Variants in EYA1 observed in about 807,000 individuals in gnomAD.
The protein encoded by EYA1 is EYA transcriptional coactivator and phosphatase 1.
EYA1 carries 16 observed loss-of-function variants against 82.0 expected under a neutral mutation model. That is an observed-to-expected ratio of 0.20 (90% CI 0.13 to 0.30). EYA1 has a LOEUF of 0.30. EYA1 is among the 10% of genes least tolerant of loss of function. The pLI is 1.00. For missense variants in EYA1, 633 were observed against 730.7 expected, an observed-to-expected ratio of 0.87 and a Z score of 1.54; for synonymous variants, 261 against 264.4, an observed-to-expected ratio of 0.99 and a Z score of 0.12.
chr8:71,201,721 T>G (rs1401885665), intron 17 of EYA1, among the ~76,000 whole-genome samples: 2 of 152,190 alleles, frequency 1.3e-5, no homozygotes, highest in African/African-American at 4.8e-5. Flanking sequence ...CTCATTTTAC[T>G]ACTTAATCTC....
upstream of EYA1, among the ~76,000 whole-genome samples, chr8:71,366,148 A>T (rs974209234): frequency 6.6e-6 from 1 of 151,384 alleles, no homozygotes; most frequent in African/African-American, 2.4e-5. Context: ...TGCCTATCAG[A>T]TTTTTTTTTA....
At chr8:71,282,582 C>A (rs1356428002) in intron 9 of EYA1, among the ~76,000 whole-genome samples, 4 of 152,184 alleles carry the variant, frequency 2.6e-5, no homozygotes, top group African/African-American at 9.6e-5. Flanking sequence ...CACTTGTGTT[C>A]CTTGGCCTCT....
chr8:71,281,660 G>T (rs1817829280), intron 9 of EYA1, among the ~76,000 whole-genome samples: 1 of 152,206 alleles, frequency 6.6e-6, no homozygotes, highest in Non-Finnish European at 1.5e-5. Context: ...AGTACCTGTG[G>T]CTAGGGCCAG....
At chr8:71,491,795 C>T (rs188383397) in intron 2 of EYA1, among the ~76,000 whole-genome samples, 1 of 152,264 alleles carries the variant, frequency 6.6e-6, no homozygotes, top group East Asian at 1.9e-4. Context: ...TTCAGTTATG[C>T]GGTGGTTACT....
intron 17 of EYA1, chr8:71,204,178 C>G (rs1807437996): frequency 6.6e-6 from 1 of 152,124 alleles, no homozygotes; most frequent in Non-Finnish European, 1.5e-5. Flanking sequence ...GTCTCCAGAA[C>G]CAAAATTTTG....
At chr8:71,321,667 C>T in intron 6 of EYA1, 67 bp downstream of exon 6, 1 of 1,567,000 alleles carries the variant, frequency 6.4e-7, no homozygotes. Flanking sequence ...CTTTAAGTAC[C>T]ACTCAAACAT....
At position 71,245,523 on chromosome 8, in the gene EYA1, G is replaced by C. The variant is rs547551258; in HGVS notation, c.1051-831C>G. 3.6e-4 allele frequency among the ~76,000 whole-genome samples: 52 copies of C among 146,434 alleles called. 1 individual carries two copies. The highest frequency in any genetic ancestry group is 1.2e-3 in the African/African-American group (49 of 39,244). ...TTACAGGCATGAGCCACTGCGCCCG[G>C]CCTAAGTGATGATTTTTTTTTTTTT... On this transcript the variant is annotated intron_variant, in intron 11 of 17. Transcript: ENST00000340726.
At chr8:71,339,941 A>G (rs565555306) in intron 3 of EYA1, among the ~76,000 whole-genome samples, 2 of 152,090 alleles carry the variant, frequency 1.3e-5, no homozygotes, top group East Asian at 1.9e-4. Context: ...TTCTCTCACA[A>G]TCATTTCTGT....
intron 2 of EYA1, among the ~76,000 whole-genome samples, chr8:71,511,976 T>G (rs938929762): frequency 6.6e-6 from 1 of 152,118 alleles, no homozygotes; most frequent in African/African-American, 2.4e-5. Context: ...GTGCCCTCAA[T>G]AGTAAAAAGC....
chr8:71,325,286 C>T (rs961541037), intron 4 of EYA1, among the ~76,000 whole-genome samples: 5 of 152,148 alleles, frequency 3.3e-5, no homozygotes, highest in Non-Finnish European at 5.9e-5. Context: ...GAGACTAAGT[C>T]ATCATTTTCC....
rs190799650 is a variant in EYA1, at chr8:71,536,553, G to A, written c.-72-705C>T. Among the ~76,000 whole-genome samples the A allele has an allele frequency of 4.7e-3, 718 of 152,214 alleles. 5 individuals carry two copies. The highest frequency in any genetic ancestry group is 7.2e-3 in the Admixed American group (110 of 15,278). On this transcript the variant is annotated intron_variant, in intron 1 of 18. Coordinates refer to the EYA1 transcript ENST00000643681. ...TTAAATGCCATTCTAATTTCCTAAT[G>A]TTCAGAATTAATTTTTGTGCTCATG...
At chr8:71,454,760 A>T (rs901385395) in intron 2 of EYA1, among the ~76,000 whole-genome samples, 1 of 152,224 alleles carries the variant, frequency 6.6e-6, no homozygotes, top group African/African-American at 2.4e-5. Context: ...TCTGGGACAC[A>T]TTCAAAGCAG....
rs991583279 is a variant in EYA1, at chr8:71,455,737, A to G, written c.33+80007T>C. On this transcript the variant is annotated intron_variant, in intron 2 of 18. Transcript: ENST00000643681. ...CCTGCTAAAAACTCTCAATAAATTC[A>G]GTATTGATGGGATGGATCTCAAAAT... Among the ~76,000 whole-genome samples the G allele has an allele frequency of 5.3e-5, 8 of 152,266 alleles. 1 individual carries two copies. Among genetic ancestry groups the G allele is most frequent in the African/African-American group, 1.7e-4 (7 of 41,578 alleles).
chr8:71,517,056 T>C (rs984773288), intron 2 of EYA1, among the ~76,000 whole-genome samples: 2 of 152,226 alleles, frequency 1.3e-5, no homozygotes, highest in East Asian at 1.9e-4. Context: ...TCTTCAGTGC[T>C]CATAGTTGGC....
chr8:71,255,258 T>C (rs574405369), intron 11 of EYA1, among the ~76,000 whole-genome samples: 61 of 152,274 alleles, frequency 4.0e-4, no homozygotes, highest in African/African-American at 1.4e-3. Context: ...ATTTTGAAGT[T>C]TATATGAAAT....
intron 9 of EYA1, among the ~76,000 whole-genome samples, chr8:71,284,347 CCTCT>C (rs1818149816): frequency 6.6e-6 from 1 of 152,232 alleles, no homozygotes; most frequent in Non-Finnish European, 1.5e-5. Flanking sequence ...ATCTGCATAT[CCTCT>C]CTAACTTACA....
At chr8:71,437,813 G>GA (rs1421734427) in intron 2 of EYA1, among the ~76,000 whole-genome samples, 14 of 148,926 alleles carry the variant, frequency 9.4e-5, no homozygotes, top group Admixed American at 4.7e-4. Flanking sequence ...ACTACATATT[G>GA]AAAAAAAAAT....
intron 3 of EYA1, among the ~76,000 whole-genome samples, chr8:71,347,289 C>T (rs963451839): frequency 6.6e-6 from 1 of 151,808 alleles, no homozygotes; most frequent in African/African-American, 2.4e-5. Context: ...AAATGAGGTG[C>T]CTAAAAGTTA....
chr8:71,398,679 A>G (rs1341290771), intron 2 of EYA1, among the ~76,000 whole-genome samples: 1 of 152,098 alleles, frequency 6.6e-6, no homozygotes, highest in African/African-American at 2.4e-5. Flanking sequence ...AGGGGCATCC[A>G]GCTGTATGAG....
Sources: gnomAD v4.1 joint callset for allele counts (sites outside exome capture counted in the v4.1 genomes callset) on GRCh38, gnomAD v4.1.1 for gene constraint, MANE v1.5 for transcripts, NCBI Gene and HGNC (gene_info 2026-07-23, HGNC 2026-07-21) for gene names.